LRP1B: variants seen among roughly 807,000 people sequenced by gnomAD.
LRP1B encodes low-density lipoprotein receptor-related protein 1B.
A neutral mutation model predicts 556.6 loss-of-function variants in LRP1B; 217 were observed. That is an observed-to-expected ratio of 0.39 (90% CI 0.35 to 0.44). The LOEUF is 0.44. Among genes scored for constraint, LRP1B ranks in the 20% least tolerant of loss-of-function variants. LRP1B has a pLI of 1.00. For synonymous variants in LRP1B, 2,047 were observed against 1,865.8 expected, an observed-to-expected ratio of 1.10 and a Z score of -2.50; for missense variants, 5,053 against 5,620.8, an observed-to-expected ratio of 0.90 and a Z score of 3.23.
chr2:141,119,806 T>C (rs754603905), intron 7 of LRP1B, among the ~76,000 whole-genome samples: 1 of 151,728 alleles, frequency 6.6e-6, no homozygotes, highest in Non-Finnish European at 1.5e-5. Flanking sequence ...TAAAGAACTG[T>C]GCTCACAGAG....
chr2:141,081,682 C>G (rs776191685), intron 7 of LRP1B, among the ~76,000 whole-genome samples: 1 of 124,688 alleles, frequency 8.0e-6, no homozygotes, highest in East Asian at 2.4e-4. Flanking sequence ...ATTAAATTAG[C>G]CAATAAACTC....
intron 18 of LRP1B, among the ~76,000 whole-genome samples, chr2:140,956,818 T>G (rs1213307390): frequency 6.6e-6 from 1 of 151,778 alleles, no homozygotes; most frequent in Non-Finnish European, 1.5e-5. Context: ...CCAATTAATG[T>G]GTGATATTGG....
intron 1 of LRP1B, among the ~76,000 whole-genome samples, chr2:142,001,853 C>T (rs1702665661): frequency 6.6e-6 from 1 of 152,032 alleles, no homozygotes. Context: ...CAGCTTCTGA[C>T]AGTTTAATAT....
At chr2:140,420,936 T>G (rs574453103) in intron 66 of LRP1B, among the ~76,000 whole-genome samples, 1 of 152,058 alleles carries the variant, frequency 6.6e-6, no homozygotes, top group African/African-American at 2.4e-5. Flanking sequence ...CTTTTAAAAC[T>G]TATCAAATTG....
chr2:140,965,359 T>C (rs752445984), intron 18 of LRP1B, among the ~76,000 whole-genome samples: 9 of 57,150 alleles, frequency 1.6e-4, no homozygotes, highest in Middle Eastern at 9.6e-3. Flanking sequence ...TTAAAATACC[T>C]TTTTTTTTTT....
chr2:141,966,059 C>G (rs776990352), intron 1 of LRP1B, among the ~76,000 whole-genome samples: 9 of 151,718 alleles, frequency 5.9e-5, no homozygotes, highest in Non-Finnish European at 1.0e-4. Context: ...AGTCTTAACT[C>G]TTTTTCAAAT....
At chr2:141,178,654 C>T (rs963213287) in intron 7 of LRP1B, among the ~76,000 whole-genome samples, 9 of 152,104 alleles carry the variant, frequency 5.9e-5, no homozygotes, top group African/African-American at 2.2e-4. Context: ...GAAATGCATG[C>T]TTCCACTTCC....
At chr2:140,858,079 T>C (rs2105134651) in intron 27 of LRP1B, among the ~76,000 whole-genome samples, 1 of 152,342 alleles carries the variant, frequency 6.6e-6, no homozygotes, top group Non-Finnish European at 1.5e-5. Flanking sequence ...CATTTGGGAA[T>C]AAATTGAGAC....
intron 1 of LRP1B, among the ~76,000 whole-genome samples, chr2:141,930,652 C>T (rs1700474231): frequency 1.3e-5 from 2 of 152,016 alleles, no homozygotes; most frequent in South Asian, 4.1e-4. Flanking sequence ...GTGATTAACT[C>T]ATCTTGCTGG....
intron 49 of LRP1B, among the ~76,000 whole-genome samples, chr2:140,520,811 A>AAG (rs1331931173): frequency 1.3e-5 from 2 of 150,066 alleles, no homozygotes; most frequent in Non-Finnish European, 3.0e-5. Flanking sequence ...AAAAAAAAAA[A>AAG]AAAGAAAATT....
chr2:141,568,419 T>A lies in LRP1B; in HGVS notation c.206-87886A>T, dbSNP rs80336455. On this transcript the variant is annotated intron_variant, in intron 2 of 90. Coordinates refer to ENST00000389484, the MANE Select transcript of LRP1B (RefSeq NM_018557.3). Reference sequence around the variant, plus strand: ...GTAAAGGTAAAATGAGTTGAAGTATTTCTTGAACATGAGAAATAGGTTGAA... The same window carrying A: ...GTAAAGGTAAAATGAGTTGAAGTATATCTTGAACATGAGAAATAGGTTGAA... Among the ~76,000 whole-genome samples the A allele has an allele frequency of 9.3e-3, 1,400 of 151,248 alleles. 40 individuals carry two copies. The highest frequency in any genetic ancestry group is 0.032 in the African/African-American group (1,327 of 41,458).
chr2:141,761,636 C>T (rs1486923421), intron 2 of LRP1B, among the ~76,000 whole-genome samples: 1 of 152,018 alleles, frequency 6.6e-6, no homozygotes, highest in Non-Finnish European at 1.5e-5. Flanking sequence ...ATTTGCATAC[C>T]TGTTGGACAC....
intron 1 of LRP1B, among the ~76,000 whole-genome samples, chr2:141,909,916 A>G (rs1450023357): frequency 1.3e-5 from 2 of 152,052 alleles, no homozygotes; most frequent in Admixed American, 1.3e-4. Context: ...CAGACTTGCC[A>G]TCTCTGATGT....
intron 7 of LRP1B, among the ~76,000 whole-genome samples, chr2:141,166,883 GTT>G (rs3063851): frequency 0.62 from 92,611 of 148,264 alleles, 28,795 homozygotes; most frequent in Middle Eastern, 0.76. Context: ...TTAGAAAAAT[GTT>G]TTGTTTTTCT....
intron 17 of LRP1B, among the ~76,000 whole-genome samples, chr2:140,987,144 C>T (rs1696951239): frequency 6.6e-6 from 1 of 152,080 alleles, no homozygotes; most frequent in Admixed American, 6.6e-5. Context: ...CTATGTACTT[C>T]ATTGCTTACA....
intron 35 of LRP1B, among the ~76,000 whole-genome samples, chr2:140,726,648 C>T (rs147782790): frequency 8.5e-5 from 13 of 152,112 alleles, no homozygotes; most frequent in East Asian, 3.9e-4. Context: ...GCCATAGATA[C>T]GTAATCCTTG....
At chr2:141,959,583 C>T (rs1252801962) in intron 1 of LRP1B, among the ~76,000 whole-genome samples, 1 of 151,864 alleles carries the variant, frequency 6.6e-6, no homozygotes, top group Non-Finnish European at 1.5e-5. Context: ...ATGTGAAACA[C>T]ATAGATAACT....
At chr2:141,261,622 T>C (rs1410614557) in intron 3 of LRP1B, among the ~76,000 whole-genome samples, 5 of 152,170 alleles carry the variant, frequency 3.3e-5, no homozygotes, top group African/African-American at 1.2e-4. Context: ...TTTAGTATTT[T>C]GAGTCTGACA....
At chr2:140,864,161 A>G (rs76474502) in intron 27 of LRP1B, among the ~76,000 whole-genome samples, 5,959 of 152,028 alleles carry the variant, frequency 0.039, 182 homozygotes, top group South Asian at 0.095. Context: ...AAATGCAATG[A>G]TAATCAAGTT....
Sources: gnomAD v4.1 joint callset for allele counts (sites outside exome capture counted in the v4.1 genomes callset) on GRCh38, gnomAD v4.1.1 for gene constraint, MANE v1.5 for transcripts, NCBI Gene and HGNC (gene_info 2026-07-23, HGNC 2026-07-21) for gene names.